The following TMPRSS2 variants were observed in gnomAD, a reference collection of about 807,000 sequenced individuals.
TMPRSS2 encodes transmembrane serine protease 2.
In TMPRSS2, 59 loss-of-function variants were observed where a neutral mutation model predicts 67.4. The ratio of observed to expected loss-of-function variants is 0.88; its 90% CI spans 0.71 to 1.09. TMPRSS2 has a LOEUF of 1.09. TMPRSS2 is among the 50% of genes least tolerant of loss of function. The pLI, the probability that TMPRSS2 is intolerant of heterozygous loss-of-function variation, is 0.00. For missense variants in TMPRSS2, 668 were observed against 642.7 expected, an observed-to-expected ratio of 1.04 and a Z score of -0.43; for synonymous variants, 257 against 257.0, an observed-to-expected ratio of 1.00 and a Z score of 0.00.
intron 3 of TMPRSS2, among the ~76,000 whole-genome samples, chr21:41,490,832 C>T (rs1342751373): frequency 6.6e-6 from 1 of 152,186 alleles, no homozygotes; most frequent in East Asian, 1.9e-4. Context: ...GGAGCTTTCC[C>T]TGAAGAAAGG....
intron 1 of TMPRSS2, among the ~76,000 whole-genome samples, chr21:41,500,892 A>C (rs2091419504): frequency 6.6e-6 from 1 of 152,216 alleles, no homozygotes; most frequent in Non-Finnish European, 1.5e-5. Flanking sequence ...AGCAGGACAG[A>C]ACTCAGTACC....
intron 6 of TMPRSS2, 38 bp from the exon 7 acceptor site, chr21:41,479,320 C>T: frequency 6.8e-7 from 1 of 1,468,270 alleles, no homozygotes; most frequent in Non-Finnish European, 9.5e-7. Flanking sequence ...ATGGTTAAGG[C>T]ATAAGCAAAC....
At chr21:41,470,248 C>T (rs951061645) in intron 11 of TMPRSS2, among the ~76,000 whole-genome samples, 1 of 152,110 alleles carries the variant, frequency 6.6e-6, no homozygotes. Flanking sequence ...AGAGGACAGG[C>T]TTAGATGTGG....
intron 8 of TMPRSS2, 45 bp from the exon 9 acceptor site, chr21:41,473,541 G>A (rs1416052144): frequency 2.6e-6 from 4 of 1,560,588 alleles, no homozygotes; most frequent in Admixed American, 1.8e-5. Context: ...ACCAGCAGAA[G>A]CCGCCCAGCC....
rs769586352 is a variant in TMPRSS2, at chr21:41,494,528, C to T, written c.66G>A (p.Pro22=). ...GPYYENHGYQ[P]ENPYPAQPTV... ...TGGGCTGTGCGGGATAGGGGTTTTC[C>T]GGTTGGTATCCATGGTTTTCATAGT... Residue 22 remains proline (P), a synonymous_variant, in exon 3 of 14, where the codon CCG becomes CCA. Transcript: ENST00000332149. 28 of 1,613,708 alleles carry T rather than the reference C, an allele frequency of 1.7e-5. No individual in the cohort carries two copies. The highest frequency in any genetic ancestry group is 6.6e-5 in the South Asian group (6 of 91,018).
chr21:41,486,098 T>C lies in TMPRSS2; in HGVS notation c.445+2296A>G, dbSNP rs557592331. Among the ~76,000 whole-genome samples the C allele has an allele frequency of 1.5e-4, 23 of 152,298 alleles. No homozygotes were observed. The South Asian group carries it at 4.8e-3, about 32-fold the overall frequency. On this transcript the variant is annotated intron_variant, in intron 5 of 13. Coordinates refer to ENST00000332149, the MANE Select transcript of TMPRSS2 (RefSeq NM_005656.4). ...AAACTCCAGGAGGTTAGGACTGCAC[T>C]TGAGGGAGGGGAGGAGAACTACCTA...
intron 5 of TMPRSS2, among the ~76,000 whole-genome samples, chr21:41,483,192 C>G (rs1035271430): frequency 6.6e-6 from 1 of 152,176 alleles, no homozygotes; most frequent in African/African-American, 2.4e-5. Flanking sequence ...GGGAGGAGTA[C>G]AAGGAGCTCG....
rs1601558319 is a variant in TMPRSS2 at position 41,466,984 on chromosome 21, A to G, written c.1467+750T>C. On this transcript the variant is annotated intron_variant, in intron 13 of 13. Coordinates refer to ENST00000332149, the MANE Select transcript of TMPRSS2 (RefSeq NM_005656.4). ...GTGCTTGAGTCTGGGGCATCAGAGA[A>G]CCCTGGCTGCTCCTGCCCTTCCTAA... Among the ~76,000 whole-genome samples, 2 of 151,904 alleles carry G rather than the reference A, an allele frequency of 1.3e-5. 1 individual carries two copies. The highest frequency in any genetic ancestry group is 4.2e-4 in the South Asian group (2 of 4,800).
intron 6 of TMPRSS2, 128 bp downstream of exon 6, chr21:41,480,331 TGCTGGTTATAGGGCTCA>T: frequency 7.3e-7 from 1 of 1,366,788 alleles, no homozygotes; most frequent in Non-Finnish European, 9.8e-7. Context: ...AAATTCCACC[TGCTGGTTATAGGGCTCA>T]GCTTTTGGAA....
rs555302570 is a variant in TMPRSS2 at position 41,473,597 on chromosome 21, G to A, written c.728-101C>T. 26 of 1,308,416 alleles carry A rather than the reference G, an allele frequency of 2.0e-5. No individual in the cohort carries two copies. In the South Asian group the frequency reaches 3.5e-4, roughly 18 times the overall value. The allele number at this position is 1,308,416 out of a possible 1,614,324, so 81.1% of individuals were successfully genotyped here. A position where few individuals can be genotyped will look rare whatever the true frequency, so the allele number is the denominator to read the frequency against. On this transcript the variant is annotated intron_variant, in intron 8 of 13. Coordinates refer to ENST00000332149, the MANE Select transcript of TMPRSS2 (RefSeq NM_005656.4). ...AAGGGTCTCCCAGGCTGCAAGGACAGGGCAGGGGCACCACTGCTGGGGATG... is the reference window on the plus strand; with the variant it reads ...AAGGGTCTCCCAGGCTGCAAGGACAAGGCAGGGGCACCACTGCTGGGGATG...
chr21:41,471,752 C>T (rs191441931), intron 10 of TMPRSS2, 54 bp downstream of exon 10: 18 of 1,517,822 alleles, frequency 1.2e-5, no homozygotes, highest in South Asian at 1.2e-4. Context: ...CATTTCCAAT[C>T]AACATCTCTT....
intron 11 of TMPRSS2, 170 bp from the exon 12 acceptor site, chr21:41,468,708 T>A: frequency 1.5e-6 from 1 of 670,682 alleles, no homozygotes; most frequent in Non-Finnish European, 2.5e-6. Flanking sequence ...CTGGGAAACC[T>A]GGATTCTCCT....
At chr21:41,491,587 G>A (rs1474149988) in intron 3 of TMPRSS2, among the ~76,000 whole-genome samples, 1 of 152,222 alleles carries the variant, frequency 6.6e-6, no homozygotes, top group African/African-American at 2.4e-5. Flanking sequence ...TAGTTCATGA[G>A]AGAAATTCCA....
intron 7 of TMPRSS2, 76 bp from the exon 8 acceptor site, chr21:41,476,696 A>T: frequency 7.9e-7 from 1 of 1,269,862 alleles, no homozygotes. Context: ...GAAATCAGTC[A>T]TTTCTTCCGA....
Position 41,473,379 on chromosome 21 carries a change from C to T in TMPRSS2, c.845G>A (p.Gly282Glu), listed in dbSNP as rs1017466449. The stretch of plus-strand genomic sequence containing the variant: ...CCACTCGGGGGTGATGATGGAGCCT[C>T]CGCACACGTGGACGTTCTGGACGTG... ...SLHVQNVHVC[G>E]GSIITPEWIV... The change falls in exon 9 of 14, where the codon GGA (glycine) becomes GAA (glutamate). Residue 282 changes from glycine (G) to glutamate (E), a missense_variant. By Grantham distance (98) the Gly-to-Glu change is moderately conservative. Coordinates refer to ENST00000332149, the MANE Select transcript of TMPRSS2 (RefSeq NM_005656.4). 9.3e-6 allele frequency: 15 copies of T among 1,610,014 alleles called. No individual in the cohort carries two copies. Among genetic ancestry groups the T allele is most frequent in the Non-Finnish European group, 1.3e-5 (15 of 1,179,248 alleles).
At chr21:41,469,307 G>C (rs971603670) in intron 11 of TMPRSS2, among the ~76,000 whole-genome samples, 10 of 136,888 alleles carry the variant, frequency 7.3e-5, no homozygotes, top group Admixed American at 5.1e-4. Context: ...TCACATCCAC[G>C]CCCGCACTCT....
chr21:41,499,138 T>G (rs1014541826), intron 1 of TMPRSS2, among the ~76,000 whole-genome samples: 6 of 152,142 alleles, frequency 3.9e-5, no homozygotes, highest in Admixed American at 2.6e-4. Flanking sequence ...CCACAGTCAC[T>G]CCATTTACTA....
Position 41,465,152 on chromosome 21 carries a change from T to C in TMPRSS2, c.*990A>G, listed in dbSNP as rs2091074354. On this transcript the variant is annotated 3_prime_UTR_variant, in exon 14 of 14. Coordinates refer to ENST00000332149, the MANE Select transcript of TMPRSS2 (RefSeq NM_005656.4). ...CACCACTCTTACTTGGCAAAGATGA[T>C]ACAGTTTCAAAGAGTTAAATGAAGG... The C allele has an allele frequency of 4.3e-6, 1 of 233,760 alleles. No individual in the cohort carries two copies. 14.5% of individuals were successfully genotyped at this position (233,760 alleles called of 1,614,324 possible).
chr21:41,491,456 A>T (rs1009549450), intron 3 of TMPRSS2, among the ~76,000 whole-genome samples: 1 of 152,110 alleles, frequency 6.6e-6, no homozygotes, highest in African/African-American at 2.4e-5. Flanking sequence ...CTGAATCTGA[A>T]TTTCTAACAG....
Sources: gnomAD v4.1 joint callset for allele counts (sites outside exome capture counted in the v4.1 genomes callset) on GRCh38, gnomAD v4.1.1 for gene constraint, MANE v1.5 for transcripts, NCBI Gene and HGNC (gene_info 2026-07-23, HGNC 2026-07-21) for gene names.